Variants in MPDZ observed in about 807,000 individuals in gnomAD.
The protein encoded by MPDZ is multiple PDZ domain crumbs cell polarity complex component, also known as multiple PDZ domain protein.
In MPDZ, 234 loss-of-function variants were observed where a neutral mutation model predicts 239.1. That is an observed-to-expected ratio of 0.98 (90% confidence interval 0.88 to 1.09). MPDZ has a LOEUF of 1.09. Among genes scored for constraint, MPDZ ranks in the 50% least tolerant of loss-of-function variants. The pLI is 0.00. For synonymous variants in MPDZ, 1,048 were observed against 881.3 expected (o/e 1.19, Z -3.35); for missense variants, 3,175 against 2,510.0 (o/e 1.26, Z -5.66).
intron 19 of MPDZ, among the ~76,000 whole-genome samples, chr9:13,180,225 CTAAG>C (rs1953098771): frequency 6.6e-6 from 1 of 152,116 alleles, no homozygotes; most frequent in Non-Finnish European, 1.5e-5. Context: ...GACAATGACA[CTAAG>C]TAATAATTTG....
At chr9:13,210,324 C>A (rs567341548) in intron 10 of MPDZ, among the ~76,000 whole-genome samples, 4 of 151,676 alleles carry the variant, frequency 2.6e-5, no homozygotes, top group East Asian at 3.9e-4. Flanking sequence ...GGCCACCAAG[C>A]GGAAATTTAA....
intron 3 of MPDZ, among the ~76,000 whole-genome samples, chr9:13,236,231 G>A (rs1394782364): frequency 1.5e-4 from 8 of 52,864 alleles, no homozygotes; most frequent in Non-Finnish European, 2.6e-4. Context: ...GTGTGTATAT[G>A]TATATGTGTG....
intron 13 of MPDZ, among the ~76,000 whole-genome samples, chr9:13,194,998 A>C (rs1188313465): frequency 1.3e-5 from 2 of 152,150 alleles, no homozygotes; most frequent in African/African-American, 4.8e-5. Flanking sequence ...TAAAAAAAAA[A>C]AGATTATAGC....
intron 29 of MPDZ, among the ~76,000 whole-genome samples, chr9:13,137,604 T>C (rs7035244): frequency 0.47 from 71,333 of 152,002 alleles, 19,672 homozygotes; most frequent in African/African-American, 0.77. Flanking sequence ...AGTTCCAGAA[T>C]GTCCAGTGGG....
rs775004110 is a variant in MPDZ, at chr9:13,168,550, C to T, written c.3070G>A (p.Ala1024Thr). ...GNSSLGMTVSANKDGLGMIVR... is the reference protein window; with the variant it reads ...GNSSLGMTVSTNKDGLGMIVR... Reference sequence around the variant, plus strand: ...ATCATCCCCAAGCCATCTTTATTAGCACTAACTGTCATTCCTACAGGAAAA... The same window carrying T: ...ATCATCCCCAAGCCATCTTTATTAGTACTAACTGTCATTCCTACAGGAAAA... Residue 1024 changes from alanine to threonine, a missense_variant, in exon 22 of 47, where the codon GCT (alanine) becomes ACT (threonine). Transcript: ENST00000319217. The T allele has an allele frequency of 6.3e-7, 1 of 1,587,436 alleles. No individual in the cohort carries two copies. Among genetic ancestry groups the T allele is most frequent in the Non-Finnish European group, 8.5e-7 (1 of 1,170,964 alleles).
At position 13,223,559 on chromosome 9, in the gene MPDZ, C is replaced by T. The variant is rs1022059640; in HGVS notation, c.533+12G>A. On this transcript the variant is annotated intron_variant, in intron 5 of 46. Coordinates refer to ENST00000319217, the MANE Select transcript of MPDZ (RefSeq NM_001378778.1). Reference sequence around the variant, plus strand: ...GGGATCAAAAACAAAGAAGACGCCGCGACCATCTCACCTATGGGCCACACT... The same window carrying T: ...GGGATCAAAAACAAAGAAGACGCCGTGACCATCTCACCTATGGGCCACACT... 1.1e-5 allele frequency: 18 copies of T among 1,597,188 alleles called. No homozygotes were observed. The highest frequency in any genetic ancestry group is 4.5e-5 in the East Asian group (2 of 44,480).
intron 13 of MPDZ, among the ~76,000 whole-genome samples, chr9:13,193,698 T>A (rs2135147658): frequency 6.6e-6 from 1 of 152,204 alleles, no homozygotes; most frequent in African/African-American, 2.4e-5. Flanking sequence ...CATTCCTGGG[T>A]TTATGCTGTA....
intron 42 of MPDZ, among the ~76,000 whole-genome samples, 200 bp downstream of exon 42, chr9:13,112,811 G>A (rs1942715435): frequency 6.6e-6 from 1 of 152,162 alleles, no homozygotes; most frequent in African/African-American, 2.4e-5. Context: ...AACAGAGCAT[G>A]CAAACAACGA....
chr9:13,108,078 A>T (rs1941786146), intron 46 of MPDZ, among the ~76,000 whole-genome samples: 1 of 152,168 alleles, frequency 6.6e-6, no homozygotes, highest in African/African-American at 2.4e-5. Context: ...TTCCAAAATA[A>T]TAAAATAAAA....
chr9:13,143,155 T>C (rs570522692), intron 27 of MPDZ, among the ~76,000 whole-genome samples: 1 of 152,226 alleles, frequency 6.6e-6, no homozygotes, highest in Non-Finnish European at 1.5e-5. Context: ...TATCATACAT[T>C]TGGCAACTAA....
Position 13,183,533 on chromosome 9 carries a change from T to A in MPDZ, c.2534A>T (p.Tyr845Phe), listed in dbSNP as rs1437880687. ...GTAGATGCTGTCATTTTCAGGAGAGTATGGAGACTCAAATGTGGATTCATC... is the reference window on the plus strand; with the variant it reads ...GTAGATGCTGTCATTTTCAGGAGAGAATGGAGACTCAAATGTGGATTCATC... ...LVDESTFESP[Y>F]SPENDSIYST... Residue 845 changes from tyrosine (Y) to phenylalanine (F), a missense_variant, in exon 19 of 47, where the codon TAC becomes TTC. Tyr to Phe is a conservative substitution (Grantham distance 22). Coordinates refer to ENST00000319217, the MANE Select transcript of MPDZ (RefSeq NM_001378778.1). 2 of 1,612,232 alleles carry A rather than the reference T, an allele frequency of 1.2e-6. No individual in the cohort carries two copies. Among genetic ancestry groups the A allele is most frequent in the Non-Finnish European group, 1.7e-6 (2 of 1,179,048 alleles).
Position 13,188,946 on chromosome 9 carries a change from C to T in MPDZ, c.2202G>A (p.Val734=). The change falls in exon 17 of 47, where the codon GTG becomes GTA. Residue 734 remains valine (V), a synonymous_variant. Transcript: ENST00000319217. ...CATCCTTTTCAGCAATGCCGCCAGG[C>T]ACCAAAGAACGAATTATAATCACAG... ...ASTVIIIRSL[V]PGGIAEKDGR... is the part of the protein sequence containing the mutation. 6.2e-7 allele frequency: 1 copy of T among 1,613,346 alleles called. No homozygotes were observed.
chr9:13,181,712 T>C (rs1953359845), intron 19 of MPDZ, among the ~76,000 whole-genome samples: 1 of 152,196 alleles, frequency 6.6e-6, no homozygotes, highest in African/African-American at 2.4e-5. Flanking sequence ...TTGTGCTGCA[T>C]ACAGCCAGCA....
Position 13,188,952 on chromosome 9 carries a change from A to C in MPDZ, c.2196T>G (p.Ser732=), listed in dbSNP as rs1954525428. 6.2e-7 allele frequency: 1 copy of C among 1,613,262 alleles called. No individual in the cohort carries two copies. Among genetic ancestry groups the C allele is most frequent in the African/African-American group, 1.3e-5 (1 of 74,892 alleles). The part of the protein sequence containing the change: ...DPASTVIIIR[S]LVPGGIAEKD... ...TTTCAGCAATGCCGCCAGGCACCAA[A>C]GAACGAATTATAATCACAGTGCTTG... Residue 732 remains serine (S), a synonymous_variant, in exon 17 of 47, where the codon TCT becomes TCG. Transcript: ENST00000319217.
intron 38 of MPDZ, chr9:13,120,062 T>A (rs958749632): frequency 5.7e-6 from 1 of 176,952 alleles, no homozygotes; most frequent in African/African-American, 2.4e-5. Flanking sequence ...AATGTTGCTA[T>A]CACCATCATT....
chr9:13,247,932 T>A, intron 2 of MPDZ, 131 bp from the exon 3 acceptor site: 3 of 904,290 alleles, frequency 3.3e-6, no homozygotes, highest in South Asian at 2.3e-5. Flanking sequence ...TTAAATTGAA[T>A]AAAAAAACAG....
At chr9:13,111,231 T>C (rs1411405864) in intron 43 of MPDZ, among the ~76,000 whole-genome samples, 2 of 152,254 alleles carry the variant, frequency 1.3e-5, no homozygotes, top group African/African-American at 2.4e-5. Context: ...CAGAGTTGAG[T>C]AGTTGCAACA....
intron 1 of MPDZ, among the ~76,000 whole-genome samples, chr9:13,273,379 CAGA>C (rs1234958448): frequency 1.3e-5 from 2 of 152,146 alleles, no homozygotes; most frequent in Admixed American, 6.5e-5. Flanking sequence ...CTTATGAACA[CAGA>C]AGGATAGCTT....
At chr9:13,239,414 T>C (rs1192731822) in intron 3 of MPDZ, among the ~76,000 whole-genome samples, 1 of 152,190 alleles carries the variant, frequency 6.6e-6, no homozygotes, top group African/African-American at 2.4e-5. Context: ...GACTTTATAG[T>C]ATTGTTGTAA....
Sources: gnomAD v4.1 joint callset for allele counts (sites outside exome capture counted in the v4.1 genomes callset) on GRCh38, gnomAD v4.1.1 for gene constraint, MANE v1.5 for transcripts, NCBI Gene and HGNC (gene_info 2026-07-23, HGNC 2026-07-21) for gene names.